Variants in NAALADL2 observed in about 807,000 individuals in gnomAD.
The protein encoded by NAALADL2 is N-acetylated alpha-linked acidic dipeptidase like 2.
NAALADL2 carries 76 observed loss-of-function variants against 87.2 expected under a neutral mutation model. The ratio of observed to expected loss-of-function variants is 0.87; its 90% confidence interval spans 0.72 to 1.05. The LOEUF (loss-of-function observed/expected upper bound fraction) is 1.05, where lower values mean the gene tolerates loss of function less well. NAALADL2 is among the 50% of genes least tolerant of loss of function. NAALADL2 has a pLI of 0.00. For missense variants in NAALADL2, 1,089 were observed against 945.8 expected (o/e 1.15, Z -1.99); for synonymous variants, 354 against 331.0 (o/e 1.07, Z -0.75).
At chr3:175,423,018 G>GAAAAAAAA (rs1218647180) in intron 5 of NAALADL2, among the ~76,000 whole-genome samples, 2 of 61,588 alleles carry the variant, frequency 3.2e-5, no homozygotes, top group African/African-American at 7.9e-5. Flanking sequence ...AGGTCCTTAA[G>GAAAAAAAA]AAAAAAAAAA....
chr3:175,535,655 C>T (rs188954906), intron 9 of NAALADL2, among the ~76,000 whole-genome samples: 61 of 152,186 alleles, frequency 4.0e-4, no homozygotes, highest in Non-Finnish European at 7.4e-4. Flanking sequence ...AGCATTTCCT[C>T]CTCAAGGGTG....
chr3:175,030,841 A>G (rs1362362191), intron 1 of NAALADL2, among the ~76,000 whole-genome samples: 1 of 152,032 alleles, frequency 6.6e-6, no homozygotes, highest in Non-Finnish European at 1.5e-5. Flanking sequence ...TTGTTTATGA[A>G]CAGTTAATGG....
intron 2 of NAALADL2, among the ~76,000 whole-genome samples, chr3:175,230,958 T>G (rs192481247): frequency 9.2e-5 from 14 of 152,076 alleles, no homozygotes; most frequent in Non-Finnish European, 1.9e-4. Flanking sequence ...TGAATAAGAA[T>G]ATCCAGTGCA....
intron 1 of NAALADL2, among the ~76,000 whole-genome samples, chr3:174,877,185 T>G (rs887169728): frequency 3.9e-5 from 6 of 152,130 alleles, no homozygotes; most frequent in Non-Finnish European, 7.4e-5. Context: ...ATTCAGTCCA[T>G]AAGTTGTGCT....
At chr3:175,315,729 T>C (rs1340930986) in intron 4 of NAALADL2, among the ~76,000 whole-genome samples, 1 of 152,216 alleles carries the variant, frequency 6.6e-6, no homozygotes, top group Non-Finnish European at 1.5e-5. Flanking sequence ...AGGAATAGTT[T>C]ATTTACTCAG....
At chr3:175,344,224 G>A (rs1361364557) in intron 5 of NAALADL2, among the ~76,000 whole-genome samples, 2 of 152,046 alleles carry the variant, frequency 1.3e-5, no homozygotes, top group African/African-American at 4.8e-5. Context: ...ATAAAAATCA[G>A]CATTTCTTTC....
chr3:175,108,830 A>C (rs1482721953), intron 2 of NAALADL2, among the ~76,000 whole-genome samples: 2 of 151,884 alleles, frequency 1.3e-5, no homozygotes, highest in African/African-American at 4.8e-5. Context: ...ACAAATATTT[A>C]TTCTATTCCA....
At chr3:174,661,170 G>T (rs1725466217) in intron 2 of NAALADL2, among the ~76,000 whole-genome samples, 1 of 152,054 alleles carries the variant, frequency 6.6e-6, no homozygotes, top group Non-Finnish European at 1.5e-5. Context: ...AGGAAATCTT[G>T]GCCAGATGGG....
intron 13 of NAALADL2, among the ~76,000 whole-genome samples, chr3:175,795,127 C>A (rs527547350): frequency 4.1e-4 from 63 of 152,316 alleles, no homozygotes; most frequent in African/African-American, 1.5e-3. Context: ...TATCATCCCA[C>A]CTGCAGGGCC....
intron 2 of NAALADL2, among the ~76,000 whole-genome samples, chr3:174,560,195 C>G (rs572326820): frequency 2.6e-5 from 4 of 152,288 alleles, no homozygotes; most frequent in Admixed American, 2.6e-4. Context: ...CCTTAGGATA[C>G]TTACCTTTTG....
intron 11 of NAALADL2, among the ~76,000 whole-genome samples, chr3:175,663,367 C>T (rs1193049805): frequency 6.6e-6 from 1 of 151,616 alleles, no homozygotes; most frequent in Non-Finnish European, 1.5e-5. Context: ...TAGTCTCTGA[C>T]AAGCCTTTTT....
intron 11 of NAALADL2, among the ~76,000 whole-genome samples, chr3:175,697,400 G>GACACACAC (rs57471272): frequency 0.011 from 1,613 of 145,322 alleles, 26 homozygotes; most frequent in African/African-American, 0.032. Flanking sequence ...GCTGCACACA[G>GACACACAC]ACACACACAC....
chr3:174,530,072 G>C (rs776345713), intron 1 of NAALADL2, among the ~76,000 whole-genome samples: 1 of 152,108 alleles, frequency 6.6e-6, no homozygotes, highest in African/African-American at 2.4e-5. Context: ...GGCTGCAAAT[G>C]TTCCATACTT....
chr3:174,946,356 T>C (rs1203584227), intron 1 of NAALADL2, among the ~76,000 whole-genome samples: 2 of 152,160 alleles, frequency 1.3e-5, no homozygotes, highest in Non-Finnish European at 2.9e-5. Flanking sequence ...ATGGTAAAGA[T>C]GGCAGATTTT....
intron 1 of NAALADL2, among the ~76,000 whole-genome samples, chr3:174,960,471 G>GAACTTACT (rs1741815467): frequency 6.6e-6 from 1 of 151,882 alleles, no homozygotes; most frequent in African/African-American, 2.4e-5. Flanking sequence ...CATTCATCTT[G>GAACTTACT]GACTTACTAT....
chr3:175,018,336 G>T (rs942989274), intron 1 of NAALADL2, among the ~76,000 whole-genome samples: 3 of 152,002 alleles, frequency 2.0e-5, no homozygotes, highest in Admixed American at 1.3e-4. Flanking sequence ...ATTAACAGGT[G>T]CCAGGGCATT....
intron 2 of NAALADL2, among the ~76,000 whole-genome samples, chr3:174,634,305 T>C (rs1560106926): frequency 6.6e-6 from 1 of 152,172 alleles, no homozygotes; most frequent in Non-Finnish European, 1.5e-5. Flanking sequence ...ATTAAGCTTC[T>C]ACCTCCACAA....
chr3:175,649,909 GAAA>G (rs540263929), intron 11 of NAALADL2, among the ~76,000 whole-genome samples: 1 of 151,410 alleles, frequency 6.6e-6, no homozygotes, highest in Admixed American at 6.6e-5. Context: ...TAACTCTAAA[GAAA>G]AAAAGTTCTG....
intron 1 of NAALADL2, among the ~76,000 whole-genome samples, chr3:174,916,823 C>A (rs1579510966): frequency 6.6e-6 from 1 of 152,032 alleles, no homozygotes; most frequent in East Asian, 1.9e-4. Flanking sequence ...AAAAACTTAT[C>A]CATGTAACCA....
Sources: allele counts gnomAD v4.1 joint callset (sites outside exome capture counted in the v4.1 genomes callset), GRCh38; gene constraint gnomAD v4.1.1; transcripts MANE v1.5; gene names NCBI Gene and HGNC (gene_info 2026-07-23, HGNC 2026-07-21).